Variants in MAOA observed in about 807,000 individuals in gnomAD.
MAOA encodes amine oxidase [flavin-containing] A.
Under a neutral mutation model 42.0 loss-of-function variants are expected in MAOA, and 6 were observed. The observed-to-expected ratio is 0.14, with a 90% CI of 0.08 to 0.28. The LOEUF (loss-of-function observed/expected upper bound fraction) is 0.28. Ranked by LOEUF, MAOA falls within the 10% of genes least tolerant of loss-of-function variation. The pLI is 1.00. For missense variants in MAOA, 262 were observed against 422.3 expected, an observed-to-expected ratio of 0.62 and a Z score of 3.33; for synonymous variants, 140 against 154.0, an observed-to-expected ratio of 0.91 and a Z score of 0.67.
intron 3 of MAOA, among the ~76,000 whole-genome samples, chrX:43,711,607 A>G (rs2033700133): frequency 8.9e-6 from 1 of 111,898 alleles, no homozygotes; most frequent in Admixed American, 9.5e-5. Context: ...TAATTTCCAA[A>G]TAAATAGAAA....
intron 1 of MAOA, among the ~76,000 whole-genome samples, chrX:43,670,296 C>A (rs1437522265): frequency 1.8e-5 from 2 of 111,370 alleles, no homozygotes; most frequent in Non-Finnish European, 3.8e-5. Flanking sequence ...CCAGAGCCTG[C>A]CCCAGGAATG....
rs1601951927 is a variant in MAOA at position 43,745,117 on chromosome X, C to CACTT, written c.*605_*608dup. 8.3e-6 allele frequency: 1 copy of CACTT among 120,513 alleles called. No individual in the cohort carries two copies. Among genetic ancestry groups the CACTT allele is most frequent in the Non-Finnish European group, 1.7e-5 (1 of 57,754 alleles). 9.9% of individuals were successfully genotyped at this position (120,513 alleles called of 1,213,427 possible). On this transcript the variant is annotated 3_prime_UTR_variant, in exon 15 of 15. Coordinates refer to ENST00000338702, the MANE Select transcript of MAOA (RefSeq NM_000240.4). ...TCTGCTGCCTCAGGAATCTCCTGACCACTTGTAGTCCCTCCGACTTCTCTA... is the reference window on the plus strand; with the variant it reads ...TCTGCTGCCTCAGGAATCTCCTGACCACTTACTTGTAGTCCCTCCGACTTCTCTA...
chrX:43,665,976 T>C (rs1187448171), intron 1 of MAOA, among the ~76,000 whole-genome samples: 1 of 112,397 alleles, frequency 8.9e-6, no homozygotes, highest in African/African-American at 3.2e-5. Flanking sequence ...ATTTAGAATC[T>C]GCTGACTTAC....
At chrX:43,676,480 T>G (rs1047337654) in intron 1 of MAOA, among the ~76,000 whole-genome samples, 4 of 111,233 alleles carry the variant, frequency 3.6e-5, no homozygotes, top group African/African-American at 1.3e-4. Flanking sequence ...TGGCACTCCC[T>G]AGTGAGATGA....
chrX:43,730,470 G>T (rs1397354425), intron 6 of MAOA, among the ~76,000 whole-genome samples: 4 of 104,304 alleles, frequency 3.8e-5, no homozygotes, highest in Non-Finnish European at 3.9e-5. Flanking sequence ...AGTTACTCAA[G>T]ATCTGATATT....
chrX:43,694,127 C>T (rs2033559368), intron 3 of MAOA, among the ~76,000 whole-genome samples: 1 of 111,605 alleles, frequency 9.0e-6, no homozygotes, highest in African/African-American at 3.3e-5. Context: ...GGAAACATGC[C>T]TTGAGAAATC....
chrX:43,685,037 G>A (rs1227486469), intron 2 of MAOA, among the ~76,000 whole-genome samples: 2 of 107,964 alleles, frequency 1.9e-5, no homozygotes, highest in Admixed American at 1.0e-4. Flanking sequence ...CCCCCACCAC[G>A]CCAGCCAATT....
At chrX:43,741,402 C>G (rs1040976319) in intron 11 of MAOA, among the ~76,000 whole-genome samples, 1 of 111,926 alleles carries the variant, frequency 8.9e-6, no homozygotes, top group East Asian at 2.8e-4. Context: ...CTCATGTCCC[C>G]TAGGAAATAG....
chrX:43,731,273 G>A lies in MAOA; in HGVS notation c.678G>A (p.Val226=). 1 of 1,210,129 alleles carries A rather than the reference G, an allele frequency of 8.3e-7. No homozygotes were observed. The highest frequency in any genetic ancestry group is 1.7e-5 in the African/African-American group (1 of 57,757). The change falls in exon 7 of 15, where the codon GTG becomes GTA. Residue 226 remains valine (V), a synonymous_variant. Transcript: ENST00000338702. ...ERKFVGGSGQ[V]SERIMDLLGD... is the part of the protein sequence containing the mutation. ...AGTTTGTAGGTGGATCTGGTCAAGTGAGCGAACGGATAATGGACCTCCTCG... is the reference window on the plus strand; with the variant it reads ...AGTTTGTAGGTGGATCTGGTCAAGTAAGCGAACGGATAATGGACCTCCTCG...
intron 1 of MAOA, among the ~76,000 whole-genome samples, chrX:43,661,931 A>G (rs2033236979): frequency 9.0e-6 from 1 of 111,717 alleles, no homozygotes; most frequent in South Asian, 3.7e-4. Flanking sequence ...AACCAGCAGG[A>G]ATGAATTTTT....
intron 2 of MAOA, among the ~76,000 whole-genome samples, 169 bp downstream of exon 2, chrX:43,683,776 T>C (rs1341326954): frequency 9.0e-6 from 1 of 111,578 alleles, no homozygotes; most frequent in Admixed American, 9.5e-5. Flanking sequence ...CTCTTTAACA[T>C]GTACGCACTG....
At chrX:43,713,488 A>G (rs1238630395) in intron 5 of MAOA, among the ~76,000 whole-genome samples, 2 of 111,835 alleles carry the variant, frequency 1.8e-5, no homozygotes, top group Non-Finnish European at 1.9e-5. Context: ...ATAAAATAAA[A>G]TGGTAATCCC....
intron 1 of MAOA, among the ~76,000 whole-genome samples, chrX:43,675,229 G>A (rs1393625769): frequency 1.8e-5 from 2 of 111,465 alleles, no homozygotes; most frequent in East Asian, 5.6e-4. Context: ...CCAGCTGATC[G>A]CATCGGCTCC....
chrX:43,660,539 G>A (rs1289429758), intron 1 of MAOA, among the ~76,000 whole-genome samples: 1 of 111,062 alleles, frequency 9.0e-6, no homozygotes, highest in Non-Finnish European at 1.9e-5. Flanking sequence ...GCTACACTAC[G>A]TTTATTTAGT....
At chrX:43,675,166 C>A (rs58780966) in intron 1 of MAOA, among the ~76,000 whole-genome samples, 13 of 111,341 alleles carry the variant, frequency 1.2e-4, no homozygotes. Context: ...CTCTAAACTT[C>A]CCTTCTCGCT....
rs1046908942 is a variant in MAOA, at chrX:43,691,120, C to T, written c.169-2171C>T. Among the ~76,000 whole-genome samples the T allele has an allele frequency of 3.6e-5, 4 of 111,541 alleles. 1 individual carries two copies. In the Admixed American group the frequency reaches 3.8e-4, roughly 11 times the overall value. ...AGATCAGAGCCAGATGTGGGGCTCACGCCTGTAATCCCAACACTTTGGGAG... is the reference window on the plus strand; with the variant it reads ...AGATCAGAGCCAGATGTGGGGCTCATGCCTGTAATCCCAACACTTTGGGAG... On this transcript the variant is annotated intron_variant, in intron 2 of 14. Coordinates refer to ENST00000338702, the MANE Select transcript of MAOA (RefSeq NM_000240.4).
intron 7 of MAOA, 144 bp downstream of exon 7, chrX:43,731,534 C>G: frequency 1.2e-6 from 1 of 855,926 alleles, no homozygotes; most frequent in African/African-American, 2.0e-5. Flanking sequence ...CTTGGTTGAC[C>G]TACCTTGATC....
intron 3 of MAOA, 45 bp from the exon 4 acceptor site, chrX:43,711,827 A>G: frequency 1.0e-6 from 1 of 1,000,224 alleles, no homozygotes. Context: ...TTCAAATTTA[A>G]GATATTACTC....
chrX:43,702,542 T>C (rs1039861277), intron 3 of MAOA, among the ~76,000 whole-genome samples: 1 of 112,099 alleles, frequency 8.9e-6, no homozygotes, highest in African/African-American at 3.2e-5. Flanking sequence ...TTTTGCTTTG[T>C]GTTTGGGTTT....
Sources: allele counts gnomAD v4.1 joint callset (sites outside exome capture counted in the v4.1 genomes callset), GRCh38; gene constraint gnomAD v4.1.1; transcripts MANE v1.5; gene names NCBI Gene and HGNC (gene_info 2026-07-23, HGNC 2026-07-21).